The following UBR4 variants were observed in gnomAD, a reference collection of about 807,000 sequenced individuals.
The protein encoded by UBR4 is E3 ubiquitin-protein ligase UBR4.
A neutral mutation model predicts 575.6 loss-of-function variants in UBR4; 124 were observed. That is an observed-to-expected ratio of 0.22 (90% CI 0.19 to 0.25). The LOEUF (loss-of-function observed/expected upper bound fraction) is 0.25. UBR4 is among the 10% of genes least tolerant of loss of function. The pLI is 1.00. For synonymous variants in UBR4, 2,455 were observed against 2,473.7 expected (o/e 0.99, Z 0.22); for missense variants, 4,818 against 6,478.8 (o/e 0.74, Z 8.80).
intron 60 of UBR4, among the ~76,000 whole-genome samples, chr1:19,132,359 T>G (rs2149733257): frequency 6.6e-6 from 1 of 151,924 alleles, no homozygotes; most frequent in Admixed American, 6.6e-5. Flanking sequence ...TTTTTATATT[T>G]TTAGTAGAGA....
chr1:19,201,418 C>G (rs1173211063), intron 2 of UBR4, among the ~76,000 whole-genome samples: 2 of 152,102 alleles, frequency 1.3e-5, no homozygotes, highest in Non-Finnish European at 2.9e-5. Context: ...AATTAACACA[C>G]CAGTAATTAC....
Position 19,162,539 on chromosome 1 carries a change from T to G in UBR4, c.4837A>C (p.Ser1613Arg), listed in dbSNP as rs753890969. 25 of 1,614,054 alleles carry G rather than the reference T, an allele frequency of 1.5e-5. No individual in the cohort carries two copies. Among genetic ancestry groups the G allele is most frequent in the Non-Finnish European group, 2.1e-5 (25 of 1,180,020 alleles). ...LADVTNALSQSNGQGPSHLSV... is the reference protein window; with the variant it reads ...LADVTNALSQRNGQGPSHLSV... Reference sequence around the variant, plus strand: ...AGATGACTTGGGCCTTGACCATTACTCTGGCTCAGGGCATTCGTGACATCA... The same window carrying G: ...AGATGACTTGGGCCTTGACCATTACGCTGGCTCAGGGCATTCGTGACATCA... Residue 1613 changes from serine (S) to arginine (R), a missense_variant, in exon 35 of 106, where the codon AGT (serine) becomes CGT (arginine). Ser to Arg is a moderately radical substitution (Grantham distance 110). Around this residue, in one of 29 missense-constraint regions of UBR4, gnomAD observed 1,172 missense variants for 1,259.7 expected, o/e 0.93. Coordinates refer to ENST00000375254, the MANE Select transcript of UBR4 (RefSeq NM_020765.3).
At chr1:19,189,954 T>A (rs1388650196) in intron 11 of UBR4, among the ~76,000 whole-genome samples, 1 of 152,084 alleles carries the variant, frequency 6.6e-6, no homozygotes, top group Non-Finnish European at 1.5e-5. Flanking sequence ...CTGATGTCCC[T>A]AGCCAGGTCA....
At chr1:19,166,744 A>C (rs563152715) in intron 29 of UBR4, among the ~76,000 whole-genome samples, 1,891 of 108,422 alleles carry the variant, frequency 0.017, 28 homozygotes, top group South Asian at 0.046. Context: ...AAAAAAAAAA[A>C]AAAAAAAAAA....
Position 19,164,809 on chromosome 1 carries a change from G to A in UBR4, c.4501C>T (p.Arg1501Trp), listed in dbSNP as rs745788660. ...ATGTAGTTGTTCTACCTGTTTTCCC[G>A]AACAATGTATGTGGTCAGTAACTGC... is the stretch of plus-strand genomic sequence containing the variant. The part of the protein sequence containing the change: ...LLQLLTTYIV[R>W]ENSQVGEGVC... The change falls in exon 32 of 106, where the codon CGG becomes TGG. Residue 1501 changes from arginine (R) to tryptophan (W), a missense_variant. By Grantham distance (101) the Arg-to-Trp change is moderately radical. Coordinates refer to ENST00000375254, the MANE Select transcript of UBR4 (RefSeq NM_020765.3). 35 of 1,613,866 alleles carry A rather than the reference G, an allele frequency of 2.2e-5. No homozygotes were observed. The highest frequency in any genetic ancestry group is 2.7e-5 in the Non-Finnish European group (32 of 1,179,790).
At chr1:19,185,564 T>A (rs2091442458) in intron 14 of UBR4, among the ~76,000 whole-genome samples, 1 of 139,284 alleles carries the variant, frequency 7.2e-6, no homozygotes, top group African/African-American at 2.7e-5. Flanking sequence ...TAAAACTGAT[T>A]TCTTTTTTCT....
At position 19,179,094 on chromosome 1, in the gene UBR4, G is replaced by T; in HGVS notation, c.2311C>A (p.Gln771Lys). 1 of 1,614,006 alleles carries T rather than the reference G, an allele frequency of 6.2e-7. No homozygotes were observed. Among genetic ancestry groups the T allele is most frequent in the South Asian group, 1.1e-5 (1 of 91,046 alleles). ...LLIWQHKASA[Q>K]GDPDVPECLK... ...CATTCTGGGACGTCAGGGTCACCTT[G>T]AGCACTGGCTTTATGTTGCCAGATG... Residue 771 changes from glutamine to lysine, a missense_variant, in exon 18 of 106, where the codon CAA (glutamine) becomes AAA (lysine). Physicochemically the swap from Gln to Lys is moderately conservative, Grantham distance 53 (BLOSUM62 1). Transcript: ENST00000375254.
intron 75 of UBR4, 121 bp from the exon 76 acceptor site, chr1:19,114,191 A>G: frequency 7.8e-7 from 1 of 1,279,620 alleles, no homozygotes; most frequent in East Asian, 2.4e-5. Context: ...TGTTTCATAC[A>G]TTATCTCTGT....
chr1:19,192,686 A>G (rs185756398), intron 9 of UBR4, 146 bp from the exon 10 acceptor site: 1 of 847,254 alleles, frequency 1.2e-6, no homozygotes. Context: ...TGACCTTCAC[A>G]TGGAGCTGAC....
intron 44 of UBR4, among the ~76,000 whole-genome samples, chr1:19,154,565 A>C (rs1226115447): frequency 6.6e-6 from 1 of 152,172 alleles, no homozygotes; most frequent in Admixed American, 6.5e-5. Context: ...CCAGGAGAAA[A>C]ACTTAAAGGG....
At chr1:19,154,615 C>T (rs1045904357) in intron 44 of UBR4, among the ~76,000 whole-genome samples, 2 of 152,196 alleles carry the variant, frequency 1.3e-5, no homozygotes, top group African/African-American at 4.8e-5. Flanking sequence ...ATTTAGGTTC[C>T]CTTCTCACAT....
chr1:19,168,183 C>T lies in UBR4; in HGVS notation c.3743G>A (p.Arg1248His), dbSNP rs1179941999. Residue 1248 changes from arginine (R) to histidine (H), a missense_variant and splice_region_variant, in exon 28 of 106, where the codon CGC (arginine) becomes CAC (histidine). By Grantham distance (29) the Arg-to-His change is conservative. Coordinates refer to ENST00000375254, the MANE Select transcript of UBR4 (RefSeq NM_020765.3). The part of the protein sequence containing the change: ...TNEFPNIGSW[R>H]NAFANDTIPS... ...GATGGTGTCATTGGCAAAGGCATTGCGCTGAAAGGAAGCAAAGCAGATGTA... is the reference window on the plus strand; with the variant it reads ...GATGGTGTCATTGGCAAAGGCATTGTGCTGAAAGGAAGCAAAGCAGATGTA... 3.2e-6 allele frequency: 5 copies of T among 1,570,484 alleles called. No homozygotes were observed. The highest frequency in any genetic ancestry group is 1.1e-5 in the South Asian group (1 of 87,268).
chr1:19,190,312 A>AAAAAAAT, intron 11 of UBR4, among the ~76,000 whole-genome samples: 69 of 79,894 alleles, frequency 8.6e-4, no homozygotes, highest in African/African-American at 3.2e-3. Context: ...AAAAAAAAAA[A>AAAAAAAT]ATATATATAT....
At chr1:19,177,108 C>A (rs1446819287) in intron 19 of UBR4, among the ~76,000 whole-genome samples, 1 of 152,198 alleles carries the variant, frequency 6.6e-6, no homozygotes, top group African/African-American at 2.4e-5. Flanking sequence ...ATTTACCAAT[C>A]CATAAAATTT....
At chr1:19,202,185 T>C (rs2092775584) in intron 1 of UBR4, among the ~76,000 whole-genome samples, 1 of 152,070 alleles carries the variant, frequency 6.6e-6, no homozygotes, top group African/African-American at 2.4e-5. Context: ...AGAGCAAGAC[T>C]TCATCTCAAA....
chr1:19,192,127 G>A lies in UBR4; in HGVS notation c.1394+61C>T, dbSNP rs559574563. ...TGATATGAAGTCATACTAGCTCCCT[G>A]TAAATATAAAATGTTAGCGAAATAA... On this transcript the variant is annotated intron_variant, in intron 11 of 105. Coordinates refer to ENST00000375254, the MANE Select transcript of UBR4 (RefSeq NM_020765.3). The A allele has an allele frequency of 6.4e-6, 10 of 1,561,346 alleles. No homozygotes were observed. In the African/African-American group the frequency reaches 8.2e-5, roughly 13 times the overall value.
chr1:19,114,660 T>A, intron 75 of UBR4, 151 bp downstream of exon 75: 2 of 969,842 alleles, frequency 2.1e-6, no homozygotes, highest in Non-Finnish European at 1.5e-6. Flanking sequence ...CCTCATGCCA[T>A]TCTTTGCTCC....
chr1:19,177,327 T>A, intron 19 of UBR4, 134 bp downstream of exon 19: 1 of 1,077,390 alleles, frequency 9.3e-7, no homozygotes, highest in South Asian at 1.5e-5. Flanking sequence ...GTGGTCCTCC[T>A]AATCCTACCC....
intron 25 of UBR4, among the ~76,000 whole-genome samples, chr1:19,172,564 T>G (rs1241872572): frequency 6.6e-6 from 1 of 152,146 alleles, no homozygotes; most frequent in Non-Finnish European, 1.5e-5. Flanking sequence ...TTTAAGGAGC[T>G]TTAACTCAGT....
Sources: allele counts gnomAD v4.1 joint callset (sites outside exome capture counted in the v4.1 genomes callset), GRCh38; gene constraint gnomAD v4.1.1; regional missense constraint gnomAD v4.1.1; transcripts MANE v1.5; gene names NCBI Gene and HGNC (gene_info 2026-07-23, HGNC 2026-07-21).